The following SLC13A3 variants were observed in gnomAD, a reference collection of about 807,000 sequenced individuals.
SLC13A3 encodes the protein Na(+)/dicarboxylate cotransporter 3.
SLC13A3 carries 40 observed loss-of-function variants against 59.0 expected under a neutral mutation model. That is an observed-to-expected ratio of 0.68 (90% CI 0.53 to 0.88). The LOEUF (loss-of-function observed/expected upper bound fraction) is 0.88, where lower values mean the gene tolerates loss of function less well. Ranked by LOEUF, SLC13A3 falls within the 40% of genes least tolerant of loss-of-function variation. SLC13A3 has a pLI of 0.00. For synonymous variants in SLC13A3, 317 were observed against 330.3 expected, an observed-to-expected ratio of 0.96 and a Z score of 0.44; for missense variants, 699 against 783.2, an observed-to-expected ratio of 0.89 and a Z score of 1.28.
chr20:46,582,599 T>C (rs78743526), intron 9 of SLC13A3: 2 of 977,746 alleles, frequency 2.0e-6, no homozygotes, highest in Non-Finnish European at 2.4e-6. Flanking sequence ...TGAGACCCCA[T>C]TAAAAAAAAA....
chr20:46,652,783 G>A (rs2062961424), upstream of SLC13A3, among the ~76,000 whole-genome samples: 1 of 152,000 alleles, frequency 6.6e-6, no homozygotes, highest in Non-Finnish European at 1.5e-5. Context: ...CAACTGTTGG[G>A]TTGCCCAGTA....
chr20:46,664,311 C>T (rs557928065), intron 1 of SLC13A3, among the ~76,000 whole-genome samples: 3 of 152,248 alleles, frequency 2.0e-5, no homozygotes, highest in African/African-American at 7.2e-5. Flanking sequence ...AAGGCTGAAG[C>T]GACCCTCCTG....
chr20:46,566,087 G>A (rs1600493367), intron 11 of SLC13A3, 142 bp downstream of exon 11: 1 of 677,296 alleles, frequency 1.5e-6, no homozygotes. Context: ...TAAAAAAATT[G>A]TACTGTGGTT....
rs552040824 is a variant in SLC13A3, at chr20:46,591,832, A to G, written c.920+572T>C. On this transcript the variant is annotated intron_variant, in intron 6 of 12. Transcript: ENST00000279027. ...ACAATACTATTAATAATTATGAATA[A>G]TATGTGACATCAACAGAGGGTCTGT... 2.0e-5 allele frequency among the ~76,000 whole-genome samples: 3 copies of G among 152,290 alleles called. No homozygotes were observed. In the East Asian group the frequency reaches 5.8e-4, roughly 29 times the overall value.
At chr20:46,613,385 A>C in intron 2 of SLC13A3, 75 bp downstream of exon 2, 1 of 1,290,366 alleles carries the variant, frequency 7.7e-7, no homozygotes, top group East Asian at 2.8e-5. Context: ...TAAATCAAGA[A>C]GAGCAGGTAT....
chr20:46,644,677 C>T (rs2062876948), intron 1 of SLC13A3, among the ~76,000 whole-genome samples: 1 of 152,180 alleles, frequency 6.6e-6, no homozygotes, highest in Admixed American at 6.5e-5. Flanking sequence ...CTCATCAGGG[C>T]AGAGGCTAGA....
chr20:46,598,365 T>C (rs956891539), intron 4 of SLC13A3, among the ~76,000 whole-genome samples: 1 of 152,062 alleles, frequency 6.6e-6, no homozygotes, highest in African/African-American at 2.4e-5. Context: ...ACCCTAACCA[T>C]CCTGAGTATC....
At chr20:46,600,125 T>A (rs981015143) in intron 3 of SLC13A3, 88 bp from the exon 4 acceptor site, 32 of 995,244 alleles carry the variant, frequency 3.2e-5, no homozygotes, top group Non-Finnish European at 4.3e-5. Flanking sequence ...CAAGAATGCT[T>A]TCTTTGCCAA....
intron 9 of SLC13A3, among the ~76,000 whole-genome samples, chr20:46,577,359 G>A (rs2062089987): frequency 6.6e-6 from 1 of 152,232 alleles, no homozygotes; most frequent in East Asian, 1.9e-4. Flanking sequence ...ACCTTGAGGG[G>A]ATTCTTGGGC....
chr20:46,645,059 G>A (rs754469913), intron 1 of SLC13A3, among the ~76,000 whole-genome samples: 1 of 152,178 alleles, frequency 6.6e-6, no homozygotes, highest in Non-Finnish European at 1.5e-5. Context: ...GTTCCTCCTG[G>A]AAGCTCCAGG....
At chr20:46,617,363 C>T (rs1021737516) in intron 1 of SLC13A3, among the ~76,000 whole-genome samples, 3 of 152,146 alleles carry the variant, frequency 2.0e-5, no homozygotes, top group Non-Finnish European at 4.4e-5. Context: ...TAGTCAGGTG[C>T]CTATAGTCCC....
At chr20:46,654,059 T>A (rs2062968591), upstream of SLC13A3, among the ~76,000 whole-genome samples, 1 of 152,190 alleles carries the variant, frequency 6.6e-6, no homozygotes, top group South Asian at 2.1e-4. Context: ...TATTTTACAT[T>A]CCCACGATGT....
At chr20:46,598,144 G>A (rs2062333863) in intron 4 of SLC13A3, among the ~76,000 whole-genome samples, 1 of 152,106 alleles carries the variant, frequency 6.6e-6, no homozygotes, top group African/African-American at 2.4e-5. Flanking sequence ...ACTTAAAGAA[G>A]GAAAGATAAT....
chr20:46,604,083 A>G (rs2122720834), intron 3 of SLC13A3, among the ~76,000 whole-genome samples: 1 of 152,200 alleles, frequency 6.6e-6, no homozygotes, highest in Non-Finnish European at 1.5e-5. Context: ...AAAGAAGAAA[A>G]CAGAGCATAG....
chr20:46,595,821 T>TGTCA (rs1382071769), intron 5 of SLC13A3, among the ~76,000 whole-genome samples: 1 of 152,194 alleles, frequency 6.6e-6, no homozygotes, highest in Non-Finnish European at 1.5e-5. Flanking sequence ...TCTGCTCAAA[T>TGTCA]GTCAGCCCAT....
intron 2 of SLC13A3, among the ~76,000 whole-genome samples, chr20:46,611,517 G>C (rs769195239): frequency 1.3e-5 from 2 of 152,140 alleles, no homozygotes; most frequent in Non-Finnish European, 2.9e-5. Flanking sequence ...AGGAGGAGGC[G>C]CAGCTACAGA....
intron 1 of SLC13A3, among the ~76,000 whole-genome samples, chr20:46,621,154 G>T (rs1447477583): frequency 6.6e-6 from 1 of 152,202 alleles, no homozygotes; most frequent in Non-Finnish European, 1.5e-5. Flanking sequence ...AGTTTTATGA[G>T]GGTTAGCCAA....
chr20:46,662,726 G>C (rs918778981), intron 1 of SLC13A3, among the ~76,000 whole-genome samples: 3 of 152,184 alleles, frequency 2.0e-5, no homozygotes, highest in Non-Finnish European at 4.4e-5. Context: ...CTATAGGCAT[G>C]GCATGTTTGA....
chr20:46,631,510 G>A (rs1207265680), intron 1 of SLC13A3, among the ~76,000 whole-genome samples: 1 of 152,092 alleles, frequency 6.6e-6, no homozygotes, highest in Non-Finnish European at 1.5e-5. Context: ...TTGGGAGCAG[G>A]GCTGCCATGT....
Sources: allele counts gnomAD v4.1 joint callset (sites outside exome capture counted in the v4.1 genomes callset), GRCh38; gene constraint gnomAD v4.1.1; transcripts MANE v1.5; gene names NCBI Gene and HGNC (gene_info 2026-07-23, HGNC 2026-07-21).